The following RBFOX1 variants were observed in gnomAD, a reference collection of about 807,000 sequenced individuals.
The protein encoded by RBFOX1 is RNA binding protein fox-1 homolog 1.
In RBFOX1, 8 loss-of-function variants were observed where a neutral mutation model predicts 57.7. The ratio of observed to expected loss-of-function variants is 0.14; its 90% CI spans 0.08 to 0.25. RBFOX1 has a LOEUF of 0.25. Among genes scored for constraint, RBFOX1 ranks in the 10% least tolerant of loss-of-function variants. The probability of loss-of-function intolerance (pLI) is 1.00; values close to 1 mark genes in which losing one functional copy is unlikely to be tolerated. For synonymous variants in RBFOX1, 326 were observed against 222.4 expected, an observed-to-expected ratio of 1.47 and a Z score of -4.15; for missense variants, 611 against 548.5, an observed-to-expected ratio of 1.11 and a Z score of -1.14.
intron 4 of RBFOX1, among the ~76,000 whole-genome samples, chr16:7,058,616 A>G (rs920249042): frequency 5.3e-5 from 8 of 151,934 alleles, no homozygotes; most frequent in Admixed American, 1.3e-4. Context: ...TCGTGTTTGT[A>G]TTTTTGCATG....
chr16:6,309,404 G>C (rs1446557160), intron 1 of RBFOX1, among the ~76,000 whole-genome samples: 1 of 152,146 alleles, frequency 6.6e-6, no homozygotes, highest in Non-Finnish European at 1.5e-5. Flanking sequence ...CAAATTAAAA[G>C]ATCCGGCGCG....
At chr16:5,285,799 G>T (rs1280399347) in intron 1 of RBFOX1, among the ~76,000 whole-genome samples, 2 of 152,096 alleles carry the variant, frequency 1.3e-5, no homozygotes, top group Non-Finnish European at 1.5e-5. Flanking sequence ...CTGAGATGGA[G>T]TCTTGCTCTG....
intron 4 of RBFOX1, among the ~76,000 whole-genome samples, chr16:5,868,057 G>A (rs2057384603): frequency 6.6e-6 from 1 of 152,152 alleles, no homozygotes; most frequent in Non-Finnish European, 1.5e-5. Flanking sequence ...AAGGAATTGT[G>A]GTGGATGCTG....
At chr16:5,437,783 T>C (rs929060991) in intron 1 of RBFOX1, among the ~76,000 whole-genome samples, 11 of 152,238 alleles carry the variant, frequency 7.2e-5, no homozygotes, top group Non-Finnish European at 1.6e-4. Context: ...TTATTTCTTA[T>C]ACTCTGTATT....
At chr16:5,362,315 C>T (rs1047479605) in intron 1 of RBFOX1, among the ~76,000 whole-genome samples, 39 of 152,186 alleles carry the variant, frequency 2.6e-4, no homozygotes, top group African/African-American at 8.4e-4. Flanking sequence ...CTCAGCCTCC[C>T]GAGTGTCTGG....
At chr16:5,929,708 T>C (rs191693341) in intron 4 of RBFOX1, among the ~76,000 whole-genome samples, 1 of 151,842 alleles carries the variant, frequency 6.6e-6, no homozygotes, top group African/African-American at 2.4e-5. Context: ...TGAGCATCTG[T>C]TTTTTTTATG....
intron 1 of RBFOX1, among the ~76,000 whole-genome samples, chr16:5,429,029 C>T (rs989060164): frequency 6.6e-6 from 1 of 152,160 alleles, no homozygotes; most frequent in Non-Finnish European, 1.5e-5. Flanking sequence ...GGAGGTTCCA[C>T]CCGCTACGAA....
intron 10 of RBFOX1, among the ~76,000 whole-genome samples, chr16:7,612,460 G>A (rs1378576779): frequency 6.6e-6 from 1 of 151,488 alleles, no homozygotes; most frequent in Non-Finnish European, 1.5e-5. Flanking sequence ...GTAAGGAGAA[G>A]TAGACTCAGA....
intron 3 of RBFOX1, among the ~76,000 whole-genome samples, chr16:5,608,551 A>G (rs911108403): frequency 1.3e-5 from 2 of 152,248 alleles, no homozygotes; most frequent in African/African-American, 4.8e-5. Flanking sequence ...CACAGAGTTG[A>G]TAAATCAAAT....
At chr16:6,650,548 G>A (rs1373936865) in intron 2 of RBFOX1, among the ~76,000 whole-genome samples, 2 of 152,132 alleles carry the variant, frequency 1.3e-5, no homozygotes, top group Admixed American at 6.5e-5. Flanking sequence ...TCGAATGTTG[G>A]TAATTTAGAG....
At chr16:6,651,240 C>A (rs1288767513) in intron 2 of RBFOX1, among the ~76,000 whole-genome samples, 1 of 152,204 alleles carries the variant, frequency 6.6e-6, no homozygotes, top group Non-Finnish European at 1.5e-5. Context: ...CACAACCCTG[C>A]ACATCCATGC....
chr16:6,751,265 G>A (rs768435248), intron 3 of RBFOX1, among the ~76,000 whole-genome samples: 2 of 152,178 alleles, frequency 1.3e-5, no homozygotes, highest in Non-Finnish European at 2.9e-5. Context: ...CTCTAGAATG[G>A]ATGGGGAGTA....
chr16:5,681,985 C>G (rs377096707), intron 3 of RBFOX1, among the ~76,000 whole-genome samples: 2 of 151,986 alleles, frequency 1.3e-5, no homozygotes, highest in African/African-American at 4.8e-5. Context: ...CACATCTCCC[C>G]CTTGTTGAAA....
At chr16:7,145,368 T>C (rs2074739387) in intron 4 of RBFOX1, among the ~76,000 whole-genome samples, 1 of 151,884 alleles carries the variant, frequency 6.6e-6, no homozygotes, top group African/African-American at 2.4e-5. Flanking sequence ...CCACATCTGG[T>C]TCATTTTTTT....
At chr16:5,832,264 C>G (rs143198831) in intron 3 of RBFOX1, among the ~76,000 whole-genome samples, 1,831 of 152,314 alleles carry the variant, frequency 0.012, 21 homozygotes, top group Non-Finnish European at 0.019. Context: ...AGGAGTAAGG[C>G]TGTGGAAGTA....
intron 4 of RBFOX1, among the ~76,000 whole-genome samples, chr16:7,315,455 T>TGCCCC (rs2096414031): frequency 8.8e-6 from 1 of 114,034 alleles, no homozygotes. Flanking sequence ...TACTCTACCC[T>TGCCCC]ACCCCCCCCC....
chr16:7,205,139 G>A (rs2089649705), intron 4 of RBFOX1, among the ~76,000 whole-genome samples: 1 of 152,104 alleles, frequency 6.6e-6, no homozygotes, highest in Non-Finnish European at 1.5e-5. Context: ...CTGATAGTAA[G>A]ATAGAGGCTG....
chr16:6,367,840 A>C (rs561855090), intron 2 of RBFOX1, among the ~76,000 whole-genome samples: 1 of 152,204 alleles, frequency 6.6e-6, no homozygotes, highest in African/African-American at 2.4e-5. Context: ...ACCACAAACC[A>C]TCCTATCTTC....
intron 14 of RBFOX1, among the ~76,000 whole-genome samples, chr16:7,700,454 C>T (rs556708315): frequency 6.0e-4 from 92 of 152,284 alleles, no homozygotes; most frequent in African/African-American, 2.1e-3. Flanking sequence ...GAGGGATCCC[C>T]AGCTGCTGTT....
Sources: allele counts gnomAD v4.1 joint callset (sites outside exome capture counted in the v4.1 genomes callset), GRCh38; gene constraint gnomAD v4.1.1; transcripts MANE v1.5; gene names NCBI Gene and HGNC (gene_info 2026-07-23, HGNC 2026-07-21).